CCDC178: variants seen among roughly 807,000 people sequenced by gnomAD.
CCDC178 encodes coiled-coil domain containing 178, also known as coiled-coil domain-containing protein 178.
CCDC178 carries 126 observed loss-of-function variants against 117.4 expected under a neutral mutation model. The ratio of observed to expected loss-of-function variants is 1.07; its 90% CI spans 0.93 to 1.24. The LOEUF is 1.24. Ranked by LOEUF, CCDC178 falls within the 50% of genes most tolerant of loss-of-function variation. The probability of loss-of-function intolerance (pLI) is 0.00; values close to 1 mark genes in which losing one functional copy is unlikely to be tolerated. For synonymous variants in CCDC178, 283 were observed against 313.4 expected (o/e 0.90, Z 1.02); for missense variants, 1,030 against 986.9 (o/e 1.04, Z -0.59).
chr18:33,370,500 G>A (rs1445497721), intron 5 of CCDC178, among the ~76,000 whole-genome samples: 1 of 151,664 alleles, frequency 6.6e-6, no homozygotes, highest in Admixed American at 6.6e-5. Flanking sequence ...GGAAAAAAAG[G>A]CAGAAAAAAC....
chr18:33,002,171 C>A (rs922763396), intron 21 of CCDC178, among the ~76,000 whole-genome samples: 21 of 152,004 alleles, frequency 1.4e-4, no homozygotes, highest in African/African-American at 4.8e-4. Context: ...CACTATAGGA[C>A]AAATGGACCT....
intron 3 of CCDC178, among the ~76,000 whole-genome samples, chr18:33,407,044 G>A (rs1291905128): frequency 1.3e-5 from 2 of 152,098 alleles, no homozygotes; most frequent in Admixed American, 1.3e-4. Flanking sequence ...CATGACTAGA[G>A]GGCAGTCTTC....
rs1357960913 is a variant in CCDC178 at position 32,998,901 on chromosome 18, A to G, written c.2389-24220T>C. 3.3e-5 allele frequency among the ~76,000 whole-genome samples: 5 copies of G among 151,984 alleles called. No homozygotes were observed. In the South Asian group the frequency reaches 8.3e-4, roughly 25 times the overall value. The stretch of plus-strand genomic sequence containing the variant: ...ATAAGATGACATCAGGTGTCAACAT[A>G]TTTCCAGCTGTGGTGGCTACGGAAA... On this transcript the variant is annotated intron_variant, in intron 21 of 22. Coordinates refer to ENST00000383096, the MANE Select transcript of CCDC178 (RefSeq NM_001105528.4).
At chr18:33,130,790 T>A (rs2058061909) in intron 20 of CCDC178, among the ~76,000 whole-genome samples, 1 of 151,936 alleles carries the variant, frequency 6.6e-6, no homozygotes, top group African/African-American at 2.4e-5. Context: ...GACAGGTAGG[T>A]GACATAGGCA....
intron 20 of CCDC178, among the ~76,000 whole-genome samples, chr18:33,110,178 C>T (rs1033748953): frequency 2.6e-5 from 4 of 151,510 alleles, no homozygotes; most frequent in Non-Finnish European, 5.9e-5. Context: ...ATATGCTTAT[C>T]GGACATTTGT....
At chr18:32,967,977 C>T (rs2054849648) in intron 22 of CCDC178, among the ~76,000 whole-genome samples, 1 of 151,566 alleles carries the variant, frequency 6.6e-6, no homozygotes, top group East Asian at 1.9e-4. Flanking sequence ...TTCATCTCCT[C>T]ATGCATTTAT....
chr18:33,092,613 A>G (rs1431260312), intron 21 of CCDC178, 148 bp downstream of exon 21: 12 of 463,926 alleles, frequency 2.6e-5, no homozygotes, highest in Non-Finnish European at 4.3e-5. Context: ...AAAGGTTGAT[A>G]TAAATATACA....
chr18:32,942,050 A>G (rs1481368522), intron 22 of CCDC178, among the ~76,000 whole-genome samples: 1 of 152,128 alleles, frequency 6.6e-6, no homozygotes, highest in East Asian at 1.9e-4. Context: ...CCAGTTGATC[A>G]CATAAAGAGA....
At chr18:33,118,712 C>A (rs1598901805) in intron 20 of CCDC178, among the ~76,000 whole-genome samples, 2 of 151,968 alleles carry the variant, frequency 1.3e-5, no homozygotes, top group African/African-American at 4.8e-5. Context: ...CATATGGAAC[C>A]AAAAAAGAGC....
intron 21 of CCDC178, among the ~76,000 whole-genome samples, chr18:32,997,931 A>G (rs930038940): frequency 3.3e-5 from 5 of 152,240 alleles, no homozygotes; most frequent in African/African-American, 1.2e-4. Flanking sequence ...ATGTCCTAAT[A>G]GAAACCCTCA....
Position 33,215,714 on chromosome 18 carries a change from AAG to A in CCDC178, c.1933-21_1933-20del, listed in dbSNP as rs1481392322. 6.8e-7 allele frequency: 1 copy of A among 1,461,598 alleles called. No homozygotes were observed. The highest frequency in any genetic ancestry group is 2.6e-5 in the East Asian group (1 of 38,136). 90.5% of individuals were successfully genotyped at this position (1,461,598 alleles called of 1,614,324 possible). On this transcript the variant is annotated intron_variant, in intron 18 of 22. Coordinates refer to ENST00000383096, the MANE Select transcript of CCDC178 (RefSeq NM_001105528.4). ...GTTTACTCTGAAAAAAAATATACAC[AAG>A]TGTTTATTTTAAATACTTGGATTTT...
At chr18:33,149,926 T>C (rs1383935078) in intron 20 of CCDC178, among the ~76,000 whole-genome samples, 1 of 152,066 alleles carries the variant, frequency 6.6e-6, no homozygotes, top group Admixed American at 6.6e-5. Flanking sequence ...ATAGCCTACA[T>C]AGCCAAAGCA....
chr18:33,373,601 T>C (rs1482290025), intron 5 of CCDC178, among the ~76,000 whole-genome samples: 1 of 152,176 alleles, frequency 6.6e-6, no homozygotes, highest in Non-Finnish European at 1.5e-5. Context: ...ACTCAGCTCT[T>C]TCAGACATTT....
At chr18:33,030,970 C>T (rs2056331070) in intron 21 of CCDC178, among the ~76,000 whole-genome samples, 1 of 152,054 alleles carries the variant, frequency 6.6e-6, no homozygotes, top group African/African-American at 2.4e-5. Flanking sequence ...TAACTCTCAG[C>T]CTGAGGCCAA....
At chr18:33,371,782 T>TACACAC (rs769582307) in intron 5 of CCDC178, among the ~76,000 whole-genome samples, 2,155 of 53,514 alleles carry the variant, frequency 0.04, 16 homozygotes, top group South Asian at 0.11. Flanking sequence ...CATAAACATA[T>TACACAC]ATACACACAC....
chr18:33,154,881 T>A (rs1024365161), intron 20 of CCDC178, among the ~76,000 whole-genome samples: 3 of 152,074 alleles, frequency 2.0e-5, no homozygotes, highest in African/African-American at 7.2e-5. Context: ...AAAGCTTCAA[T>A]ACACATGGAG....
chr18:33,380,061 C>G (rs1335132755), intron 5 of CCDC178, among the ~76,000 whole-genome samples: 1 of 152,108 alleles, frequency 6.6e-6, no homozygotes, highest in Admixed American at 6.6e-5. Flanking sequence ...GACTGGATTT[C>G]TATCTGGGGG....
At chr18:33,210,720 C>T (rs1300266660) in intron 20 of CCDC178, among the ~76,000 whole-genome samples, 3 of 152,030 alleles carry the variant, frequency 2.0e-5, no homozygotes, top group Admixed American at 6.6e-5. Flanking sequence ...GTAGCTCACA[C>T]ATCTGAAACT....
intron 21 of CCDC178, among the ~76,000 whole-genome samples, chr18:33,016,490 A>T (rs1396419482): frequency 6.6e-6 from 1 of 152,064 alleles, no homozygotes; most frequent in Non-Finnish European, 1.5e-5. Flanking sequence ...TTGCCATAAA[A>T]ATGTATTTTT....
Sources: allele counts gnomAD v4.1 joint callset (sites outside exome capture counted in the v4.1 genomes callset), GRCh38; gene constraint gnomAD v4.1.1; transcripts MANE v1.5; gene names NCBI Gene and HGNC (gene_info 2026-07-23, HGNC 2026-07-21).